The following TRNAU1AP variants were observed in gnomAD, a reference collection of about 807,000 sequenced individuals.
TRNAU1AP encodes the protein tRNA selenocysteine 1-associated protein 1.
In TRNAU1AP, 33 loss-of-function variants were observed where a neutral mutation model predicts 43.3. The observed-to-expected ratio is 0.76, with a 90% CI of 0.58 to 1.02. TRNAU1AP has a LOEUF of 1.02. TRNAU1AP is among the 50% of genes least tolerant of loss of function. The probability of loss-of-function intolerance (pLI) is 0.00; values close to 1 mark genes in which losing one functional copy is unlikely to be tolerated. For missense variants in TRNAU1AP, 290 were observed against 362.7 expected (o/e 0.80, Z 1.63); for synonymous variants, 143 against 129.1 (o/e 1.11, Z -0.73).
intron 2 of TRNAU1AP, chr1:28,553,967 G>T: frequency 2.4e-6 from 1 of 414,768 alleles, no homozygotes; most frequent in Non-Finnish European, 4.5e-6. Flanking sequence ...GGAGGCTGAG[G>T]TGGGTGGATC....
intron 2 of TRNAU1AP, among the ~76,000 whole-genome samples, chr1:28,559,057 T>C (rs887970796): frequency 6.6e-6 from 1 of 151,804 alleles, no homozygotes; most frequent in South Asian, 2.1e-4. Flanking sequence ...TTCTTCTGAG[T>C]CTCTTTTATT....
chr1:28,557,061 G>A (rs555046452), intron 2 of TRNAU1AP, among the ~76,000 whole-genome samples: 43 of 151,698 alleles, frequency 2.8e-4, no homozygotes, highest in African/African-American at 9.6e-4. Context: ...TGATCTGTCC[G>A]CCTCAGCCTC....
At chr1:28,564,893 G>C in intron 5 of TRNAU1AP, 59 bp downstream of exon 5, 1 of 1,607,292 alleles carries the variant, frequency 6.2e-7, no homozygotes. Context: ...TCTCTCCTGA[G>C]TGGAGGTGTT....
chr1:28,573,141 C>T (rs1210931348), intron 8 of TRNAU1AP, among the ~76,000 whole-genome samples: 1 of 146,688 alleles, frequency 6.8e-6, no homozygotes, highest in Non-Finnish European at 1.5e-5. Context: ...GCAAGTGATT[C>T]TCCTGCCTCA....
At chr1:28,575,800 C>T (rs1045833060) in intron 8 of TRNAU1AP, among the ~76,000 whole-genome samples, 2 of 150,172 alleles carry the variant, frequency 1.3e-5, no homozygotes, top group African/African-American at 4.9e-5. Flanking sequence ...TCAGGTGGTC[C>T]GCCCACCTTG....
chr1:28,572,136 C>A (rs796249485), intron 8 of TRNAU1AP, among the ~76,000 whole-genome samples: 3 of 152,130 alleles, frequency 2.0e-5, no homozygotes. Context: ...CCCATCACCC[C>A]CTTGACATGT....
chr1:28,569,592 T>C (rs1195929179), intron 6 of TRNAU1AP, among the ~76,000 whole-genome samples: 1 of 150,580 alleles, frequency 6.6e-6, no homozygotes, highest in Non-Finnish European at 1.5e-5. Context: ...TCAGAGAGGC[T>C]GAGACCGGAG....
chr1:28,559,124 T>A (rs895500401), intron 2 of TRNAU1AP, among the ~76,000 whole-genome samples: 2 of 151,802 alleles, frequency 1.3e-5, no homozygotes, highest in Non-Finnish European at 2.9e-5. Context: ...CAGGCTGGAG[T>A]GCAGTGGCGC....
chr1:28,576,538 C>T (rs1317094266), intron 8 of TRNAU1AP, among the ~76,000 whole-genome samples: 1 of 151,664 alleles, frequency 6.6e-6, no homozygotes, highest in African/African-American at 2.4e-5. Flanking sequence ...AGGATGGTCT[C>T]GATCTCTTGA....
intron 2 of TRNAU1AP, among the ~76,000 whole-genome samples, chr1:28,559,659 T>C (rs2085217104): frequency 6.6e-6 from 1 of 151,344 alleles, no homozygotes; most frequent in African/African-American, 2.4e-5. Flanking sequence ...AAACTCGGTC[T>C]CAGAAAAAAA....
chr1:28,573,113 C>T (rs941185042), intron 8 of TRNAU1AP, among the ~76,000 whole-genome samples: 1 of 146,056 alleles, frequency 6.8e-6, no homozygotes, highest in African/African-American at 2.5e-5. Context: ...CATCTCACTG[C>T]AAGCCCGCCT....
At chr1:28,568,261 T>C (rs1007379657) in intron 6 of TRNAU1AP, among the ~76,000 whole-genome samples, 4 of 152,180 alleles carry the variant, frequency 2.6e-5, no homozygotes, top group Admixed American at 2.6e-4. Flanking sequence ...CCCTTACAAC[T>C]CCAAACTTTT....
chr1:28,562,013 A>T (rs1665419266), intron 4 of TRNAU1AP, among the ~76,000 whole-genome samples: 1 of 152,116 alleles, frequency 6.6e-6, no homozygotes, highest in African/African-American at 2.4e-5. Context: ...GGCTACAATG[A>T]TCAAGGCTAC....
chr1:28,570,884 T>G (rs1665648771), intron 6 of TRNAU1AP, among the ~76,000 whole-genome samples: 1 of 152,008 alleles, frequency 6.6e-6, no homozygotes, highest in Non-Finnish European at 1.5e-5. Flanking sequence ...GCTAACATGG[T>G]GAAACCCTGT....
chr1:28,573,150 C>T (rs1443060791), intron 8 of TRNAU1AP, among the ~76,000 whole-genome samples: 1 of 148,522 alleles, frequency 6.7e-6, no homozygotes, highest in Admixed American at 6.7e-5. Context: ...TCTCCTGCCT[C>T]AGCCTCCCGA....
chr1:28,576,021 C>T (rs1389749357), intron 8 of TRNAU1AP, among the ~76,000 whole-genome samples: 3 of 150,412 alleles, frequency 2.0e-5, no homozygotes, highest in Non-Finnish European at 4.4e-5. Context: ...CTGCCATACC[C>T]GGCTAATTTT....
chr1:28,572,930 G>A (rs748938041), intron 8 of TRNAU1AP, among the ~76,000 whole-genome samples: 7 of 147,324 alleles, frequency 4.8e-5, no homozygotes, highest in Admixed American at 6.8e-5. Flanking sequence ...GCGAGACTCC[G>A]TCTCAAAAAA....
At chr1:28,575,283 T>C (rs1665749324) in intron 8 of TRNAU1AP, among the ~76,000 whole-genome samples, 2 of 152,036 alleles carry the variant, frequency 1.3e-5, no homozygotes, top group African/African-American at 4.8e-5. Flanking sequence ...TCCTCCTGAA[T>C]AGCTGGGACT....
At chr1:28,555,405 A>T (rs1469936146) in intron 2 of TRNAU1AP, among the ~76,000 whole-genome samples, 1 of 151,572 alleles carries the variant, frequency 6.6e-6, no homozygotes, top group Non-Finnish European at 1.5e-5. Context: ...GAGGTTCTCT[A>T]TTGCCTCCAT....
Sources: gnomAD v4.1 joint callset for allele counts (sites outside exome capture counted in the v4.1 genomes callset) on GRCh38, gnomAD v4.1.1 for gene constraint, MANE v1.5 for transcripts, NCBI Gene and HGNC (gene_info 2026-07-23, HGNC 2026-07-21) for gene names.